TP63: variants seen among roughly 807,000 people sequenced by gnomAD.
The protein encoded by TP63 is tumor protein 63.
A neutral mutation model predicts 82.8 loss-of-function variants in TP63; 17 were observed. The observed-to-expected ratio is 0.21, with a 90% CI of 0.14 to 0.31. The LOEUF (loss-of-function observed/expected upper bound fraction) is 0.31, where lower values mean the gene tolerates loss of function less well. Among genes scored for constraint, TP63 ranks in the 10% least tolerant of loss-of-function variants. TP63 has a pLI of 1.00. For missense variants in TP63, 648 were observed against 895.3 expected, an observed-to-expected ratio of 0.72 and a Z score of 3.52; for synonymous variants, 330 against 321.7, an observed-to-expected ratio of 1.03 and a Z score of -0.28.
At chr3:189,840,356 CGTCTTTTTTTTTTTT>C (rs1297643973) in intron 4 of TP63, among the ~76,000 whole-genome samples, 36 of 26,222 alleles carry the variant, frequency 1.4e-3, no homozygotes, top group Non-Finnish European at 2.6e-3. Flanking sequence ...TTTTGCTTTT[CGTCTTTTTTTTTTTT>C]TTTTTTTTTT....
chr3:189,690,858 C>T (rs1362723394), intron 1 of TP63, among the ~76,000 whole-genome samples: 1 of 152,092 alleles, frequency 6.6e-6, no homozygotes, highest in East Asian at 1.9e-4. Context: ...AACATATTTC[C>T]ACATGTTTGG....
chr3:189,617,831 T>C, the TP63 span, among the ~76,000 whole-genome samples: 1,925 of 152,308 alleles, frequency 0.013, 45 homozygotes, highest in African/African-American at 0.044. Flanking sequence ...TCCAACAAAA[T>C]TCTTGTGGAC....
intron 3 of TP63, among the ~76,000 whole-genome samples, chr3:189,794,073 T>C (rs898428087): frequency 2.0e-5 from 3 of 152,078 alleles, no homozygotes; most frequent in Non-Finnish European, 2.9e-5. Context: ...ATGTGGCTTA[T>C]TAATGGGCCA....
chr3:189,660,993 T>A (rs1288550488), intron 1 of TP63, among the ~76,000 whole-genome samples: 1 of 152,006 alleles, frequency 6.6e-6, no homozygotes, highest in Non-Finnish European at 1.5e-5. Flanking sequence ...GTCTTTCGGG[T>A]TTTCTAGGTG....
At chr3:189,698,869 T>G (rs998552428) in intron 1 of TP63, among the ~76,000 whole-genome samples, 3 of 152,182 alleles carry the variant, frequency 2.0e-5, no homozygotes, top group African/African-American at 7.2e-5. Flanking sequence ...GCTATAATAT[T>G]GTGGAAATTA....
intron 4 of TP63, among the ~76,000 whole-genome samples, chr3:189,848,944 A>G (rs1418263660): frequency 6.6e-6 from 1 of 152,176 alleles, no homozygotes; most frequent in Non-Finnish European, 1.5e-5. Context: ...AGGCAAAGGC[A>G]CAATTAGAGA....
At chr3:189,698,485 A>G (rs965220090) in intron 1 of TP63, among the ~76,000 whole-genome samples, 7 of 152,122 alleles carry the variant, frequency 4.6e-5, no homozygotes, top group African/African-American at 1.4e-4. Flanking sequence ...CGAAGGGGGA[A>G]TAGAGAATGT....
chr3:189,839,040 T>TAAAAA (rs5855274), intron 4 of TP63, among the ~76,000 whole-genome samples: 451 of 88,278 alleles, frequency 5.1e-3, no homozygotes, highest in East Asian at 0.016. Context: ...TATCCTAAGC[T>TAAAAA]AAAAAAAAAA....
chr3:189,856,441 A>C (rs1194401422), intron 4 of TP63, among the ~76,000 whole-genome samples: 1 of 151,894 alleles, frequency 6.6e-6, no homozygotes, highest in Non-Finnish European at 1.5e-5. Context: ...TATTAGAAAA[A>C]AACGTGAAAG....
Position 189,840,359 on chromosome 3 carries a change from C to CTTTTTTT in TP63, c.580-23851_580-23845dup. On this transcript the variant is annotated intron_variant, in intron 4 of 13. Coordinates refer to ENST00000264731, the MANE Select transcript of TP63 (RefSeq NM_003722.5). ...GAGTTTTTTCTTTTTTGCTTTTCGT[C>CTTTTTTT]TTTTTTTTTTTTTTTTTTTTTTTTT... Among the ~76,000 whole-genome samples the CTTTTTTT allele has an allele frequency of 1.2e-3, 54 of 44,416 alleles. 1 individual carries two copies. The highest frequency in any genetic ancestry group is 3.3e-3 in the South Asian group (3 of 918). 29.1% of individuals were successfully genotyped at this position (44,416 alleles called of 152,430 possible).
At chr3:189,619,580 T>G in the TP63 span, among the ~76,000 whole-genome samples, 13 of 152,188 alleles carry the variant, frequency 8.5e-5, no homozygotes, top group Non-Finnish European at 1.5e-4. Context: ...ACTCTCACAC[T>G]TAGCCTTTAA....
intron 1 of TP63, among the ~76,000 whole-genome samples, chr3:189,708,553 G>A (rs1441710247): frequency 6.6e-6 from 1 of 152,176 alleles, no homozygotes; most frequent in Non-Finnish European, 1.5e-5. Flanking sequence ...ATGCCAAAGT[G>A]GCTTGTGGTA....
chr3:189,722,951 A>G (rs35639049), intron 1 of TP63, among the ~76,000 whole-genome samples: 1 of 152,288 alleles, frequency 6.6e-6, no homozygotes, highest in African/African-American at 2.4e-5. Context: ...ATTTAGGTGA[A>G]TACTGAAGCC....
chr3:189,806,580 A>G (rs1726934673), intron 3 of TP63, among the ~76,000 whole-genome samples: 2 of 152,096 alleles, frequency 1.3e-5, no homozygotes, highest in Admixed American at 1.3e-4. Context: ...TTTGTCCCCT[A>G]GTTGTCTTAC....
chr3:189,636,659 A>T (rs1028865246), intron 1 of TP63, among the ~76,000 whole-genome samples: 1 of 152,186 alleles, frequency 6.6e-6, no homozygotes, highest in African/African-American at 2.4e-5. Context: ...AAGATTTCTA[A>T]TATTAAACAT....
intron 1 of TP63, among the ~76,000 whole-genome samples, chr3:189,675,665 G>A (rs1293967952): frequency 1.3e-5 from 2 of 152,026 alleles, no homozygotes; most frequent in African/African-American, 4.8e-5. Context: ...CTCATAAATA[G>A]ATTGACATGA....
At chr3:189,777,821 A>T (rs1723917329) in intron 3 of TP63, among the ~76,000 whole-genome samples, 2 of 85,830 alleles carry the variant, frequency 2.3e-5, no homozygotes, top group South Asian at 4.7e-4. Flanking sequence ...ACAGATGCTG[A>T]GTCTTCTTCT....
At chr3:189,670,704 A>G (rs976180272) in intron 1 of TP63, among the ~76,000 whole-genome samples, 3 of 152,074 alleles carry the variant, frequency 2.0e-5, no homozygotes, top group Admixed American at 2.0e-4. Context: ...TATAAAACAG[A>G]CAAATATACC....
At chr3:189,784,481 A>G (rs1173688478) in intron 3 of TP63, among the ~76,000 whole-genome samples, 1 of 152,084 alleles carries the variant, frequency 6.6e-6, no homozygotes, top group Non-Finnish European at 1.5e-5. Context: ...CAGTGTCTTC[A>G]TCTGTGCAAT....
Sources: allele counts gnomAD v4.1 joint callset (sites outside exome capture counted in the v4.1 genomes callset), GRCh38; gene constraint gnomAD v4.1.1; transcripts MANE v1.5; gene names NCBI Gene and HGNC (gene_info 2026-07-23, HGNC 2026-07-21).